The following PLXDC2 variants were observed in gnomAD, a reference collection of about 807,000 sequenced individuals.
PLXDC2 encodes the protein plexin domain containing 2, also known as plexin domain-containing protein 2.
In PLXDC2, 40 loss-of-function variants were observed where a neutral mutation model predicts 68.9. The ratio of observed to expected loss-of-function variants is 0.58; its 90% CI spans 0.45 to 0.76. The LOEUF is 0.76. PLXDC2 is among the 30% of genes least tolerant of loss of function. The pLI is 0.00. For missense variants in PLXDC2, 644 were observed against 661.9 expected (o/e 0.97, Z 0.30); for synonymous variants, 243 against 234.2 (o/e 1.04, Z -0.34).
intron 1 of PLXDC2, among the ~76,000 whole-genome samples, chr10:19,897,664 G>A (rs1838083737): frequency 6.6e-6 from 1 of 152,008 alleles, no homozygotes; most frequent in Non-Finnish European, 1.5e-5. Flanking sequence ...TATAAAATAT[G>A]GTTTTTTTAA....
intron 1 of PLXDC2, among the ~76,000 whole-genome samples, chr10:19,913,983 G>T (rs1833321447): frequency 6.6e-6 from 1 of 151,222 alleles, no homozygotes; most frequent in South Asian, 2.1e-4. Flanking sequence ...ATGCTTGAAA[G>T]GAAAAGATAA....
At chr10:20,022,531 C>T (rs1223992546) in intron 2 of PLXDC2, among the ~76,000 whole-genome samples, 1 of 152,046 alleles carries the variant, frequency 6.6e-6, no homozygotes, top group Non-Finnish European at 1.5e-5. Context: ...TATTCTGTGG[C>T]CATTATTTGT....
intron 9 of PLXDC2, among the ~76,000 whole-genome samples, chr10:20,186,607 C>T (rs61854619): frequency 0.22 from 33,894 of 151,806 alleles, 4,961 homozygotes; most frequent in Middle Eastern, 0.34. Flanking sequence ...TGTTGTTCCC[C>T]TCTTTGTGTT....
intron 4 of PLXDC2, chr10:20,091,791 AC>A: frequency 6.6e-6 from 1 of 152,052 alleles, no homozygotes; most frequent in Non-Finnish European, 1.5e-5. Flanking sequence ...CACAGAAACC[AC>A]CCCCGGCCCC....
At chr10:20,102,146 A>G (rs1358913732) in intron 4 of PLXDC2, among the ~76,000 whole-genome samples, 2 of 152,156 alleles carry the variant, frequency 1.3e-5, no homozygotes, top group Non-Finnish European at 2.9e-5. Flanking sequence ...ATTTCAGCTC[A>G]GTGACTGCTA....
At position 20,056,831 on chromosome 10, in the gene PLXDC2, A is replaced by G. The variant is rs1836007438; in HGVS notation, c.471+9816A>G. The stretch of plus-strand genomic sequence containing the variant: ...AAGGTAATATAATACATTCTCTATT[A>G]CCGGTGAAGGCTATCAAATAATTCT... On this transcript the variant is annotated intron_variant, in intron 3 of 13. Transcript: ENST00000377252. 2.0e-5 allele frequency among the ~76,000 whole-genome samples: 3 copies of G among 152,290 alleles called. No homozygotes were observed. In the South Asian group the frequency reaches 6.2e-4, roughly 32 times the overall value.
intron 9 of PLXDC2, among the ~76,000 whole-genome samples, chr10:20,197,021 C>T (rs966147952): frequency 6.6e-5 from 10 of 151,812 alleles, no homozygotes; most frequent in Non-Finnish European, 1.3e-4. Context: ...GCAATGTGCT[C>T]CCAAATTCTT....
intron 1 of PLXDC2, among the ~76,000 whole-genome samples, chr10:19,977,692 C>A (rs527900081): frequency 2.0e-5 from 3 of 151,918 alleles, no homozygotes; most frequent in African/African-American, 7.3e-5. Flanking sequence ...GGACTCTTTC[C>A]GGGGTTTGCA....
intron 2 of PLXDC2, among the ~76,000 whole-genome samples, chr10:20,038,928 G>C (rs540054721): frequency 6.6e-6 from 1 of 152,070 alleles, no homozygotes; most frequent in African/African-American, 2.4e-5. Context: ...CATTCCACTG[G>C]TCAGCTCTTT....
intron 1 of PLXDC2, among the ~76,000 whole-genome samples, chr10:19,893,916 G>T (rs1404153957): frequency 6.6e-6 from 1 of 152,226 alleles, no homozygotes; most frequent in Non-Finnish European, 1.5e-5. Flanking sequence ...TTTAGTAAAT[G>T]ACTTCACCAG....
intron 13 of PLXDC2, among the ~76,000 whole-genome samples, chr10:20,256,924 A>C (rs1052452004): frequency 6.6e-6 from 1 of 152,220 alleles, no homozygotes; most frequent in African/African-American, 2.4e-5. Flanking sequence ...TCTTCAAAAG[A>C]AGCAGGGTCC....
chr10:19,895,777 G>A lies in PLXDC2; in HGVS notation c.112+78586G>A, dbSNP rs1248320685. ...CCCTTGAAAAATCATGCTAAGGGCTGGGCATGGTGGCTCGTGCCTGTAATC... is the reference window on the plus strand; with the variant it reads ...CCCTTGAAAAATCATGCTAAGGGCTAGGCATGGTGGCTCGTGCCTGTAATC... On this transcript the variant is annotated intron_variant, in intron 1 of 13. Coordinates refer to ENST00000377252, the MANE Select transcript of PLXDC2 (RefSeq NM_032812.9). Among the ~76,000 whole-genome samples, 5 of 152,096 alleles carry A rather than the reference G, an allele frequency of 3.3e-5. No homozygotes were observed. The East Asian group carries it at 5.8e-4, about 18-fold the overall frequency.
At chr10:20,161,806 C>T (rs1194886263) in intron 6 of PLXDC2, among the ~76,000 whole-genome samples, 13 of 151,748 alleles carry the variant, frequency 8.6e-5, no homozygotes, top group East Asian at 3.9e-4. Flanking sequence ...CCGAGGTGGG[C>T]GGATCACCTG....
chr10:20,097,874 C>T (rs1833371622), intron 4 of PLXDC2, among the ~76,000 whole-genome samples: 2 of 149,392 alleles, frequency 1.3e-5, no homozygotes, highest in South Asian at 4.2e-4. Flanking sequence ...TTATTGCTTT[C>T]AAGTTATGTT....
At chr10:20,201,353 C>T (rs1834914872) in intron 9 of PLXDC2, among the ~76,000 whole-genome samples, 1 of 151,764 alleles carries the variant, frequency 6.6e-6, no homozygotes, top group South Asian at 2.1e-4. Context: ...AAGGTGATTT[C>T]ATGGAAATAA....
At chr10:20,162,095 G>A (rs1564338023) in intron 6 of PLXDC2, among the ~76,000 whole-genome samples, 2 of 135,088 alleles carry the variant, frequency 1.5e-5, no homozygotes, top group South Asian at 2.5e-4. Context: ...AAGGAAGGAA[G>A]GAAGGAAGGA....
chr10:20,038,198 C>T (rs1168290783), intron 2 of PLXDC2, among the ~76,000 whole-genome samples: 1 of 150,836 alleles, frequency 6.6e-6, no homozygotes, highest in Non-Finnish European at 1.5e-5. Flanking sequence ...ATCACGCCAC[C>T]GCATTCCAGC....
At chr10:20,132,616 T>C (rs1833882212) in intron 4 of PLXDC2, among the ~76,000 whole-genome samples, 1 of 152,266 alleles carries the variant, frequency 6.6e-6, no homozygotes, top group African/African-American at 2.4e-5. Context: ...GTTTTTGATT[T>C]AACATCTCTT....
chr10:20,149,045 T>A (rs2131799019), intron 6 of PLXDC2, among the ~76,000 whole-genome samples: 1 of 152,204 alleles, frequency 6.6e-6, no homozygotes, highest in East Asian at 1.9e-4. Context: ...TGTCTTACTC[T>A]ATGTTTCTTT....
Sources: gnomAD v4.1 joint callset for allele counts (sites outside exome capture counted in the v4.1 genomes callset) on GRCh38, gnomAD v4.1.1 for gene constraint, MANE v1.5 for transcripts, NCBI Gene and HGNC (gene_info 2026-07-23, HGNC 2026-07-21) for gene names.